The following MGAT5B variants were observed in gnomAD, a reference collection of about 807,000 sequenced individuals.
The protein encoded by MGAT5B is N-acetylglucosaminyl-transferase Vb.
A neutral mutation model predicts 95.1 loss-of-function variants in MGAT5B; 54 were observed. That is an observed-to-expected ratio of 0.57 (90% CI 0.46 to 0.71). The LOEUF is 0.71. MGAT5B is among the 30% of genes least tolerant of loss of function. The probability of loss-of-function intolerance (pLI) is 0.00; values close to 1 mark genes in which losing one functional copy is unlikely to be tolerated. For missense variants in MGAT5B, 935 were observed against 1,088.6 expected, an observed-to-expected ratio of 0.86 and a Z score of 1.99; for synonymous variants, 464 against 451.0, an observed-to-expected ratio of 1.03 and a Z score of -0.36.
intron 5 of MGAT5B, among the ~76,000 whole-genome samples, 178 bp downstream of exon 5, chr17:76,903,554 G>A (rs374569938): frequency 6.6e-6 from 1 of 152,162 alleles, no homozygotes; most frequent in Non-Finnish European, 1.5e-5. Flanking sequence ...CTCAGGTGTC[G>A]GTGCTTTCTC....
intron 1 of MGAT5B, among the ~76,000 whole-genome samples, chr17:76,871,799 C>T (rs1967021418): frequency 6.6e-6 from 1 of 152,202 alleles, no homozygotes; most frequent in African/African-American, 2.4e-5. Flanking sequence ...GCGCCCCTCT[C>T]AGCTCTACCA....
chr17:76,942,784 A>G (rs1969902523), intron 15 of MGAT5B, among the ~76,000 whole-genome samples: 7 of 152,162 alleles, frequency 4.6e-5, no homozygotes, highest in Admixed American at 4.6e-4. Context: ...CAGGTAGGCA[A>G]GGGGGCTCCT....
chr17:76,894,089 C>T (rs1967981310), intron 3 of MGAT5B, among the ~76,000 whole-genome samples: 1 of 152,222 alleles, frequency 6.6e-6, no homozygotes, highest in African/African-American at 2.4e-5. Context: ...AGGACCAAGG[C>T]CTGGAGGCCC....
At chr17:76,908,272 C>CTTTTT (rs34430112) in intron 8 of MGAT5B, among the ~76,000 whole-genome samples, 1 of 128,272 alleles carries the variant, frequency 7.8e-6, no homozygotes, top group African/African-American at 3.0e-5. Flanking sequence ...CTCTTTCTTT[C>CTTTTT]TTCTTTTTTT....
At chr17:76,913,891 G>T in intron 8 of MGAT5B, 1 of 422,184 alleles carries the variant, frequency 2.4e-6, no homozygotes, top group South Asian at 1.7e-5. Context: ...CGGGAGGATT[G>T]CTTGATTCCA....
At chr17:76,899,420 G>C (rs529032679) in intron 3 of MGAT5B, among the ~76,000 whole-genome samples, 1 of 152,270 alleles carries the variant, frequency 6.6e-6, no homozygotes, top group South Asian at 2.1e-4. Flanking sequence ...GAGGCGGGAG[G>C]ATCACTTGAG....
chr17:76,880,201 CT>C (rs1201289609), intron 2 of MGAT5B, among the ~76,000 whole-genome samples: 1 of 152,196 alleles, frequency 6.6e-6, no homozygotes, highest in East Asian at 1.9e-4. Context: ...CACATCCCCC[CT>C]GCTCCCATTC....
Position 76,868,797 on chromosome 17 carries a change from C to T in MGAT5B, c.-233C>T. On this transcript the variant is annotated 5_prime_UTR_variant, in exon 1 of 18. Transcript: ENST00000569840. The surrounding 1 kb of genome is among the most constrained non-coding windows in gnomAD (Gnocchi z 6.3). The stretch of plus-strand genomic sequence containing the variant: ...TCCCCAAAATGTGAAGCGGGGAGGG[C>T]GGAGACGCAGAGACGGCCCGGCCGG... The T allele has an allele frequency of 3.5e-6, 1 of 286,404 alleles. No homozygotes were observed. The highest frequency in any genetic ancestry group is 5.3e-5 in the Admixed American group (1 of 18,804). 17.7% of individuals were successfully genotyped at this position (286,404 alleles called of 1,614,324 possible). A position where few individuals can be genotyped will look rare whatever the true frequency, so the allele number is the denominator to read the frequency against.
At chr17:76,883,979 G>C (rs1043514458) in intron 3 of MGAT5B, among the ~76,000 whole-genome samples, 2 of 152,236 alleles carry the variant, frequency 1.3e-5, no homozygotes, top group African/African-American at 2.4e-5. Flanking sequence ...TGGCCATGGG[G>C]CCAACCTCTA....
chr17:76,938,494 G>T lies in MGAT5B; in HGVS notation c.1584+351G>T, dbSNP rs994842303. ...GCTTTTGGAGACACTGAGCTGGGGG[G>T]TGGTTGGGTGGGTGGAGAGAAGGGT... On this transcript the variant is annotated intron_variant, in intron 13 of 17. Transcript: ENST00000569840. The surrounding 1 kb of genome is among the most constrained non-coding windows in gnomAD (Gnocchi z 4.3). Among the ~76,000 whole-genome samples the T allele has an allele frequency of 1.3e-5, 2 of 152,238 alleles. No individual in the cohort carries two copies. Among genetic ancestry groups the T allele is most frequent in the African/African-American group, 4.8e-5 (2 of 41,462 alleles).
intron 10 of MGAT5B, among the ~76,000 whole-genome samples, chr17:76,931,316 T>C (rs1230340372): frequency 6.6e-6 from 1 of 152,188 alleles, no homozygotes. Context: ...AGGCTGGTCT[T>C]GAACTCCTGA....
At chr17:76,910,165 C>T (rs1383522800) in intron 8 of MGAT5B, among the ~76,000 whole-genome samples, 1 of 152,178 alleles carries the variant, frequency 6.6e-6, no homozygotes, top group East Asian at 1.9e-4. Flanking sequence ...CACTCTGGCT[C>T]TCACCCTGGT....
chr17:76,901,722 T>C (rs1968320608), intron 3 of MGAT5B, among the ~76,000 whole-genome samples: 1 of 152,230 alleles, frequency 6.6e-6, no homozygotes, highest in Non-Finnish European at 1.5e-5. Context: ...ACCTGGCAAG[T>C]TCCCAGGCTT....
chr17:76,918,363 C>T lies in MGAT5B; in HGVS notation c.1026-6603C>T, dbSNP rs902957071. ...AGCTGTAGCCCTGAACCCTCGAGGG[C>T]ACAGGGTACATGCTGGGGATGCTCA... On this transcript the variant is annotated intron_variant, in intron 8 of 17. Coordinates refer to ENST00000569840, the MANE Select transcript of MGAT5B (RefSeq NM_001199172.2). The surrounding 1 kb of genome is among the most constrained non-coding windows in gnomAD (Gnocchi z 5.1). 2.0e-5 allele frequency among the ~76,000 whole-genome samples: 3 copies of T among 152,172 alleles called. No individual in the cohort carries two copies. Among genetic ancestry groups the T allele is most frequent in the Non-Finnish European group, 2.9e-5 (2 of 68,042 alleles).
At position 76,906,717 on chromosome 17, in the gene MGAT5B, GTGTT is replaced by G. The variant is rs1179282773; in HGVS notation, c.1025+533_1025+536del. Among the ~76,000 whole-genome samples, 1 of 152,102 alleles carries G rather than the reference GTGTT, an allele frequency of 6.6e-6. No homozygotes were observed. Among genetic ancestry groups the G allele is most frequent in the Non-Finnish European group, 1.5e-5 (1 of 68,012 alleles). ...GGGCAGTGATTAGAGGCTCCCCTGAGTGTTTGAGGGTAGGATGGGGGTGAGGCTG... is the reference window on the plus strand; with the variant it reads ...GGGCAGTGATTAGAGGCTCCCCTGAGTGAGGGTAGGATGGGGGTGAGGCTG... On this transcript the variant is annotated intron_variant, in intron 8 of 17. Coordinates refer to ENST00000569840, the MANE Select transcript of MGAT5B (RefSeq NM_001199172.2). The surrounding 1 kb of genome is among the most constrained non-coding windows in gnomAD (Gnocchi z 4.6).
chr17:76,886,301 C>T (rs778204382), intron 3 of MGAT5B, among the ~76,000 whole-genome samples: 4 of 152,214 alleles, frequency 2.6e-5, no homozygotes, highest in East Asian at 1.9e-4. Flanking sequence ...ACTGCATGCC[C>T]GGTGCCCAGC....
intron 15 of MGAT5B, among the ~76,000 whole-genome samples, chr17:76,941,695 T>C (rs7217771): frequency 0.55 from 84,376 of 152,100 alleles, 23,816 homozygotes; most frequent in African/African-American, 0.62. Context: ...TTCTCAAAGT[T>C]AGGGACTGTC....
At position 76,940,645 on chromosome 17, in the gene MGAT5B, G is replaced by A; in HGVS notation, c.1732-87G>A. The A allele has an allele frequency of 1.9e-6, 3 of 1,589,128 alleles. No homozygotes were observed. The highest frequency in any genetic ancestry group is 1.1e-5 in the South Asian group (1 of 87,980). On this transcript the variant is annotated intron_variant, in intron 14 of 17. Transcript: ENST00000569840. The surrounding 1 kb of genome is among the most constrained non-coding windows in gnomAD (Gnocchi z 4.3). ...CAGACTGAGATGTGGGGCAAAAGGA[G>A]ATAGGACAAGTGTATGGGGTACCTT...
intron 2 of MGAT5B, among the ~76,000 whole-genome samples, chr17:76,875,181 C>T (rs1396341701): frequency 2.6e-5 from 4 of 152,138 alleles, no homozygotes; most frequent in South Asian, 2.1e-4. Flanking sequence ...AGCATGGAAT[C>T]GTTTCAGGAG....
Sources: gnomAD v4.1 joint callset for allele counts (sites outside exome capture counted in the v4.1 genomes callset) on GRCh38, gnomAD v4.1.1 for gene constraint, Gnocchi (gnomAD v3.1) non-coding constraint, MANE v1.5 for transcripts, NCBI Gene and HGNC (gene_info 2026-07-23, HGNC 2026-07-21) for gene names.